MKLN1: variants seen among roughly 807,000 people sequenced by gnomAD.
MKLN1 encodes the protein muskelin 1, also known as muskelin.
MKLN1 carries 18 observed loss-of-function variants against 99.0 expected under a neutral mutation model. The observed-to-expected ratio is 0.18, with a 90% CI of 0.13 to 0.27. The LOEUF is 0.27. MKLN1 is among the 10% of genes least tolerant of loss of function. The pLI is 1.00. For synonymous variants in MKLN1, 288 were observed against 293.2 expected, an observed-to-expected ratio of 0.98 and a Z score of 0.18; for missense variants, 621 against 875.9, an observed-to-expected ratio of 0.71 and a Z score of 3.67.
rs140897692 is a variant in MKLN1, at chr7:131,289,665, G to T, written c.-178-85759G>T. 3.9e-4 allele frequency among the ~76,000 whole-genome samples: 59 copies of T among 152,268 alleles called. 1 individual carries two copies. In the East Asian group the frequency reaches 0.011, roughly 28 times the overall value. ...CACTTGATTGCTGTGTCATTTGGGG[G>T]CAGTTATTTAACTTTCCTGTACCTC... On this transcript the variant is annotated intron_variant, in intron 3 of 7. Transcript: ENST00000416992.
At chr7:131,387,314 T>TA (rs1347793433) in intron 3 of MKLN1, 52 bp downstream of exon 3, 2 of 1,523,076 alleles carry the variant, frequency 1.3e-6, no homozygotes. Flanking sequence ...AACGTAGTCT[T>TA]AGTCTTTTTG....
chr7:131,332,573 C>A (rs1799110261), intron 1 of MKLN1, among the ~76,000 whole-genome samples: 1 of 151,162 alleles, frequency 6.6e-6, no homozygotes, highest in South Asian at 2.1e-4. Context: ...TTAAATTACC[C>A]TTGATATCAC....
At chr7:131,355,707 CTGGA>C (rs1291009216) in intron 1 of MKLN1, among the ~76,000 whole-genome samples, 2 of 146,832 alleles carry the variant, frequency 1.4e-5, no homozygotes, top group African/African-American at 5.1e-5. Context: ...TTGGTCCAGG[CTGGA>C]GTATAGTGGT....
intron 9 of MKLN1, among the ~76,000 whole-genome samples, chr7:131,430,869 A>C (rs1795502693): frequency 1.3e-5 from 2 of 152,142 alleles, no homozygotes; most frequent in Admixed American, 1.3e-4. Context: ...TGGAGACTGC[A>C]GTGAGCCATT....
chr7:131,310,589 C>T (rs1471831212), intron 3 of MKLN1: 1 of 152,206 alleles, frequency 6.6e-6, no homozygotes, highest in Non-Finnish European at 1.5e-5. Context: ...ACATTCTTTA[C>T]TTAACACAGG....
At chr7:131,375,231 TACC>T (rs1793605871) in intron 1 of MKLN1, among the ~76,000 whole-genome samples, 190 bp from the exon 2 acceptor site, 1 of 152,220 alleles carries the variant, frequency 6.6e-6, no homozygotes, top group South Asian at 2.1e-4. Flanking sequence ...TTGTTGAAAA[TACC>T]ACCTTTGTCA....
chr7:131,339,655 T>G (rs1347349731), intron 1 of MKLN1, among the ~76,000 whole-genome samples: 1 of 151,278 alleles, frequency 6.6e-6, no homozygotes, highest in African/African-American at 2.4e-5. Flanking sequence ...GCTGAGATCG[T>G]GCCACTGTAC....
At chr7:131,316,687 T>A (rs1005209200) in intron 3 of MKLN1, among the ~76,000 whole-genome samples, 2 of 152,198 alleles carry the variant, frequency 1.3e-5, no homozygotes, top group East Asian at 1.9e-4. Flanking sequence ...TCTAACCCAA[T>A]GCAAGGAAGC....
intron 17 of MKLN1, among the ~76,000 whole-genome samples, chr7:131,485,668 A>G (rs1443465505): frequency 6.6e-6 from 1 of 152,092 alleles, no homozygotes; most frequent in South Asian, 2.1e-4. Flanking sequence ...GACACACAAT[A>G]TCACTTCTGT....
chr7:131,222,992 G>A lies in MKLN1; in HGVS notation c.-179+20018G>A, dbSNP rs117165245. 3.5e-3 allele frequency among the ~76,000 whole-genome samples: 540 copies of A among 152,120 alleles called. 3 individuals are homozygous for A. The highest frequency in any genetic ancestry group is 0.01 in the Middle Eastern group (3 of 294). ...CGGAGGTGGAGGTTGCAGAGATCACGCCACTGCACTCCACTTTTGGTGACA... is the reference window on the plus strand; with the variant it reads ...CGGAGGTGGAGGTTGCAGAGATCACACCACTGCACTCCACTTTTGGTGACA... On this transcript the variant is annotated intron_variant, in intron 3 of 7. Coordinates refer to the MKLN1 transcript ENST00000416992.
intron 12 of MKLN1, among the ~76,000 whole-genome samples, chr7:131,460,360 C>T (rs1796479678): frequency 1.3e-5 from 2 of 152,194 alleles, no homozygotes; most frequent in South Asian, 4.1e-4. Flanking sequence ...GTTTCTTTTA[C>T]AGTGTGTAGG....
intron 1 of MKLN1, among the ~76,000 whole-genome samples, chr7:131,130,094 G>C (rs1368226735): frequency 6.6e-6 from 1 of 152,136 alleles, no homozygotes; most frequent in East Asian, 1.9e-4. Flanking sequence ...ATGATGAAAG[G>C]ATACATTTAA....
At chr7:131,476,795 AAAG>A (rs1206733089) in intron 16 of MKLN1, among the ~76,000 whole-genome samples, 7 of 152,188 alleles carry the variant, frequency 4.6e-5, no homozygotes, top group Admixed American at 3.9e-4. Context: ...AATTTTGAAA[AAAG>A]AAAAAATTGG....
chr7:131,426,557 G>GT (rs1180621646), intron 8 of MKLN1, among the ~76,000 whole-genome samples: 5 of 151,726 alleles, frequency 3.3e-5, no homozygotes, highest in South Asian at 4.2e-4. Context: ...ATAGGACAGT[G>GT]TTTTTTTTGT....
At chr7:131,313,821 G>A (rs1798613809) in intron 3 of MKLN1, among the ~76,000 whole-genome samples, 1 of 152,220 alleles carries the variant, frequency 6.6e-6, no homozygotes, top group South Asian at 2.1e-4. Context: ...AGCATTTACA[G>A]TTTTTAGAGC....
chr7:131,304,036 G>A (rs751029942), intron 3 of MKLN1, among the ~76,000 whole-genome samples: 4 of 152,194 alleles, frequency 2.6e-5, no homozygotes, highest in Non-Finnish European at 5.9e-5. Flanking sequence ...ACTATGTGCT[G>A]TATGTGTACA....
At chr7:131,183,552 A>C (rs754947525) in intron 2 of MKLN1, among the ~76,000 whole-genome samples, 2 of 151,892 alleles carry the variant, frequency 1.3e-5, no homozygotes, top group Non-Finnish European at 2.9e-5. Context: ...AATAAAAACA[A>C]CAGAGAATTA....
chr7:131,178,096 A>G (rs1335540789), intron 2 of MKLN1, among the ~76,000 whole-genome samples: 1 of 152,018 alleles, frequency 6.6e-6, no homozygotes, highest in African/African-American at 2.4e-5. Flanking sequence ...GGCCCCATCC[A>G]CTAACTTCTG....
intron 3 of MKLN1, among the ~76,000 whole-genome samples, chr7:131,308,261 GTTT>G (rs35421090): frequency 2.3e-5 from 3 of 132,516 alleles, no homozygotes. Context: ...GTCTCACGTA[GTTT>G]TTTTTTTTTT....
Sources: allele counts gnomAD v4.1 joint callset (sites outside exome capture counted in the v4.1 genomes callset), GRCh38; gene constraint gnomAD v4.1.1; transcripts MANE v1.5; gene names NCBI Gene and HGNC (gene_info 2026-07-23, HGNC 2026-07-21).